CLSTN2: variants seen among roughly 807,000 people sequenced by gnomAD.
CLSTN2 encodes calsyntenin-2.
Under a neutral mutation model 101.2 loss-of-function variants are expected in CLSTN2, and 48 were observed. The observed-to-expected ratio is 0.47, with a 90% confidence interval of 0.38 to 0.60. The LOEUF (loss-of-function observed/expected upper bound fraction) is 0.60. CLSTN2 is among the 20% of genes least tolerant of loss of function. The pLI, the probability that CLSTN2 is intolerant of heterozygous loss-of-function variation, is 0.00. For synonymous variants in CLSTN2, 481 were observed against 463.6 expected (o/e 1.04, Z -0.48); for missense variants, 1,160 against 1,238.2 (o/e 0.94, Z 0.95).
At chr3:140,141,611 TCTC>T (rs1216092682) in intron 1 of CLSTN2, among the ~76,000 whole-genome samples, 1 of 152,162 alleles carries the variant, frequency 6.6e-6, no homozygotes, top group African/African-American at 2.4e-5. Flanking sequence ...CTGCCACTGA[TCTC>T]CTAAGGGTGG....
intron 1 of CLSTN2, among the ~76,000 whole-genome samples, chr3:139,996,456 C>T (rs1363760542): frequency 6.6e-6 from 1 of 152,130 alleles, no homozygotes; most frequent in African/African-American, 2.4e-5. Flanking sequence ...GTGGCGCGAT[C>T]TCGGCTCACT....
chr3:140,565,209 A>C (rs1215157637), intron 16 of CLSTN2, among the ~76,000 whole-genome samples: 1 of 152,212 alleles, frequency 6.6e-6, no homozygotes, highest in Non-Finnish European at 1.5e-5. Flanking sequence ...TTGAGGAGGA[A>C]AAGCCTTCAG....
At chr3:140,351,115 G>A (rs892889196) in intron 2 of CLSTN2, among the ~76,000 whole-genome samples, 1 of 152,134 alleles carries the variant, frequency 6.6e-6, no homozygotes, top group African/African-American at 2.4e-5. Flanking sequence ...CCCAGAGTGG[G>A]GGACAAACAC....
chr3:140,358,846 A>G (rs1192138845), intron 2 of CLSTN2, among the ~76,000 whole-genome samples: 2 of 152,050 alleles, frequency 1.3e-5, no homozygotes, highest in African/African-American at 4.8e-5. Context: ...GCGGATTTGT[A>G]GGTAACAATG....
At chr3:140,428,641 C>G (rs2088597454) in intron 5 of CLSTN2, among the ~76,000 whole-genome samples, 1 of 152,224 alleles carries the variant, frequency 6.6e-6, no homozygotes, top group Non-Finnish European at 1.5e-5. Flanking sequence ...GCAATTCACA[C>G]AACACCACCA....
At chr3:140,403,432 G>A (rs558249584) in intron 2 of CLSTN2, among the ~76,000 whole-genome samples, 197 bp from the exon 3 acceptor site, 12 of 152,312 alleles carry the variant, frequency 7.9e-5, no homozygotes, top group Non-Finnish European at 1.6e-4. Flanking sequence ...CAGTTCAGGA[G>A]GTCTGGGTGG....
At chr3:139,964,395 G>A (rs1048022905) in intron 1 of CLSTN2, among the ~76,000 whole-genome samples, 1 of 152,148 alleles carries the variant, frequency 6.6e-6, no homozygotes, top group African/African-American at 2.4e-5. Flanking sequence ...GGTGTGACAG[G>A]TGAAGAGCCC....
intron 1 of CLSTN2, among the ~76,000 whole-genome samples, chr3:140,136,905 A>C (rs1321799439): frequency 6.6e-6 from 1 of 152,210 alleles, no homozygotes; most frequent in Non-Finnish European, 1.5e-5. Context: ...AGAATACAGC[A>C]GGTCACTGAA....
At chr3:140,171,693 T>A (rs1374573805) in intron 1 of CLSTN2, among the ~76,000 whole-genome samples, 12 of 53,704 alleles carry the variant, frequency 2.2e-4, no homozygotes, top group East Asian at 2.2e-3. Context: ...ATAATATATA[T>A]TAATATATAA....
chr3:140,180,679 T>C (rs375279238), intron 2 of CLSTN2, among the ~76,000 whole-genome samples: 4 of 152,250 alleles, frequency 2.6e-5, no homozygotes, highest in Admixed American at 6.5e-5. Flanking sequence ...TTTGTCTACA[T>C]TGGGCCAGTC....
intron 2 of CLSTN2, among the ~76,000 whole-genome samples, chr3:140,277,684 A>T (rs551431125): frequency 2.1e-4 from 32 of 152,316 alleles, no homozygotes; most frequent in Middle Eastern, 3.4e-3. Context: ...CTTAAAAAAA[A>T]ATATACTTTG....
chr3:139,976,888 A>G (rs950923543), intron 1 of CLSTN2, among the ~76,000 whole-genome samples: 1 of 152,188 alleles, frequency 6.6e-6, no homozygotes, highest in Non-Finnish European at 1.5e-5. Context: ...CGTCCCAAGC[A>G]ATTATACTGC....
chr3:140,546,850 A>G (rs1935597832), intron 10 of CLSTN2, among the ~76,000 whole-genome samples, 169 bp downstream of exon 10: 1 of 152,300 alleles, frequency 6.6e-6, no homozygotes, highest in African/African-American at 2.4e-5. Flanking sequence ...ATTAGTAACC[A>G]TGACTTCCAC....
chr3:140,458,554 G>T (rs1398589849), intron 6 of CLSTN2, among the ~76,000 whole-genome samples: 2 of 152,142 alleles, frequency 1.3e-5, no homozygotes, highest in Non-Finnish European at 2.9e-5. Context: ...GTCTTCTCTG[G>T]CAGGACAGTT....
At chr3:140,060,703 G>C (rs1016971217) in intron 1 of CLSTN2, among the ~76,000 whole-genome samples, 1 of 152,186 alleles carries the variant, frequency 6.6e-6, no homozygotes, top group African/African-American at 2.4e-5. Context: ...GCCTGATGTG[G>C]CATCCAGAGT....
chr3:140,373,196 A>G (rs545997087), intron 2 of CLSTN2, among the ~76,000 whole-genome samples: 1 of 152,360 alleles, frequency 6.6e-6, no homozygotes, highest in African/African-American at 2.4e-5. Flanking sequence ...GACTGTGTAT[A>G]ACATTAAGAA....
intron 1 of CLSTN2, among the ~76,000 whole-genome samples, chr3:140,116,654 TTG>T (rs2009247838): frequency 3.3e-5 from 5 of 152,186 alleles, no homozygotes; most frequent in African/African-American, 1.2e-4. Flanking sequence ...TCTTCTGGCA[TTG>T]CCTCAGTCCC....
chr3:140,262,800 C>G (rs75401418), intron 2 of CLSTN2, among the ~76,000 whole-genome samples: 2,198 of 152,112 alleles, frequency 0.014, 54 homozygotes, highest in African/African-American at 0.05. Context: ...GGATGTAGGA[C>G]AGATTCTCCA....
intron 2 of CLSTN2, among the ~76,000 whole-genome samples, chr3:140,262,233 G>A (rs2086659481): frequency 6.6e-6 from 1 of 152,206 alleles, no homozygotes; most frequent in South Asian, 2.1e-4. Flanking sequence ...AGCAAGAGTA[G>A]CTGGTGGTTG....
Sources: allele counts gnomAD v4.1 joint callset (sites outside exome capture counted in the v4.1 genomes callset), GRCh38; gene constraint gnomAD v4.1.1; transcripts MANE v1.5; gene names NCBI Gene and HGNC (gene_info 2026-07-23, HGNC 2026-07-21).